The following HRH1 variants were observed in gnomAD, a reference collection of about 807,000 sequenced individuals.
HRH1 encodes histamine receptor H1, also known as histamine H1 receptor.
In HRH1, 6 loss-of-function variants were observed where a neutral mutation model predicts 10.3. That is an observed-to-expected ratio of 0.58 (90% CI 0.32 to 1.15). The LOEUF is 1.15. HRH1 is among the 50% of genes most tolerant of loss of function. HRH1 has a pLI of 0.05. For missense variants in HRH1, 514 were observed against 615.3 expected (o/e 0.84, Z 1.74); for synonymous variants, 242 against 236.7 (o/e 1.02, Z -0.21).
At chr3:11,249,805 A>C (rs1213141609) in intron 1 of HRH1, among the ~76,000 whole-genome samples, 1 of 152,176 alleles carries the variant, frequency 6.6e-6, no homozygotes, top group Non-Finnish European at 1.5e-5. Flanking sequence ...AAATCTTCCC[A>C]GACTAATTGA....
chr3:11,138,716 T>C (rs986566808), intron 1 of HRH1, among the ~76,000 whole-genome samples: 1 of 151,600 alleles, frequency 6.6e-6, no homozygotes, highest in Non-Finnish European at 1.5e-5. Context: ...TTTTTTTTTT[T>C]TTTTTTTGAG....
At chr3:11,224,167 C>A (rs1176202066) in intron 1 of HRH1, among the ~76,000 whole-genome samples, 1 of 152,178 alleles carries the variant, frequency 6.6e-6, no homozygotes, top group African/African-American at 2.4e-5. Flanking sequence ...CTACCATGTG[C>A]CAAGCAGTTC....
chr3:11,182,078 G>A (rs184317464), intron 1 of HRH1, among the ~76,000 whole-genome samples: 1 of 152,106 alleles, frequency 6.6e-6, no homozygotes, highest in Non-Finnish European at 1.5e-5. Flanking sequence ...CGCCTCCCTG[G>A]TTCAAGCAAT....
At chr3:11,234,564 C>A (rs1156353019) in intron 1 of HRH1, 11 of 1,441,412 alleles carry the variant, frequency 7.6e-6, no homozygotes, top group Non-Finnish European at 8.8e-6. Context: ...TCAATCCATG[C>A]TCCTCGTATG....
At chr3:11,144,429 A>ATAGACGTATATATACC (rs1559249719) in intron 1 of HRH1, among the ~76,000 whole-genome samples, 1 of 44,368 alleles carries the variant, frequency 2.3e-5, no homozygotes, top group African/African-American at 6.0e-5. Context: ...GTATATATAC[A>ATAGACGTATATATACC]TATAGACATA....
intron 1 of HRH1, among the ~76,000 whole-genome samples, chr3:11,141,181 G>A (rs976476717): frequency 2.0e-5 from 3 of 152,184 alleles, no homozygotes; most frequent in Non-Finnish European, 4.4e-5. Flanking sequence ...CTGCAGGGAA[G>A]AGACTTCACT....
At chr3:11,240,286 G>T (rs1370686156) in intron 1 of HRH1, among the ~76,000 whole-genome samples, 4 of 152,044 alleles carry the variant, frequency 2.6e-5, no homozygotes, top group African/African-American at 9.7e-5. Context: ...CCTGTGTAGT[G>T]TTCAAGAAGA....
intron 1 of HRH1, among the ~76,000 whole-genome samples, chr3:11,219,488 C>T (rs1338869465): frequency 2.0e-5 from 3 of 151,596 alleles, no homozygotes; most frequent in Admixed American, 6.6e-5. Flanking sequence ...CCGAGGCGGG[C>T]GGAGCACGAG....
chr3:11,218,413 A>C (rs1388908880), intron 1 of HRH1, among the ~76,000 whole-genome samples: 1 of 149,420 alleles, frequency 6.7e-6, no homozygotes, highest in African/African-American at 2.5e-5. Context: ...GTGCTACCGC[A>C]CTCCAACCTA....
intron 1 of HRH1, among the ~76,000 whole-genome samples, chr3:11,219,714 CAAA>C (rs58875644): frequency 7.8e-5 from 6 of 76,742 alleles, no homozygotes; most frequent in Non-Finnish European, 1.5e-4. Flanking sequence ...GACTTCATCT[CAAA>C]AAAAAAAAAA....
intron 1 of HRH1, among the ~76,000 whole-genome samples, chr3:11,170,824 G>T (rs1162396441): frequency 6.6e-6 from 1 of 152,208 alleles, no homozygotes; most frequent in Non-Finnish European, 1.5e-5. Flanking sequence ...AGGGCTTTCA[G>T]GCAGGAGGTA....
chr3:11,160,165 T>C (rs867481578), intron 1 of HRH1, among the ~76,000 whole-genome samples: 1 of 152,252 alleles, frequency 6.6e-6, no homozygotes, highest in African/African-American at 2.4e-5. Context: ...TGCCAGTTTT[T>C]AGGCCAGGCT....
chr3:11,175,612 C>T (rs1286227559), intron 1 of HRH1, among the ~76,000 whole-genome samples: 1 of 152,156 alleles, frequency 6.6e-6, no homozygotes, highest in Non-Finnish European at 1.5e-5. Flanking sequence ...AAAAGGAAAA[C>T]CATTTGTAAT....
chr3:11,173,378 A>T (rs1021245209), intron 1 of HRH1, among the ~76,000 whole-genome samples: 3 of 151,790 alleles, frequency 2.0e-5, no homozygotes, highest in African/African-American at 7.3e-5. Flanking sequence ...TAATAATTAT[A>T]TATATATATG....
chr3:11,149,404 G>A (rs1374068304), intron 1 of HRH1, among the ~76,000 whole-genome samples: 2 of 152,102 alleles, frequency 1.3e-5, no homozygotes, highest in African/African-American at 4.8e-5. Flanking sequence ...TTTTGCTTTT[G>A]CCTATGAAAA....
Position 11,177,562 on chromosome 3 carries a change from C to T in HRH1, c.-36+23008C>T, listed in dbSNP as rs186828718. Among the ~76,000 whole-genome samples the T allele has an allele frequency of 2.0e-5, 3 of 152,306 alleles. No individual in the cohort carries two copies. In the East Asian group the frequency reaches 5.8e-4, roughly 29 times the overall value. On this transcript the variant is annotated intron_variant, in intron 1 of 1. Coordinates refer to ENST00000431010, the MANE Select transcript of HRH1 (RefSeq NM_001098212.2). ...CTTCTGCGCTCACATTCATAACTCT[C>T]ACCACAGCACTCGTCCCCCTGAGCT... is the stretch of plus-strand genomic sequence containing the variant.
At chr3:11,189,059 C>G (rs1559264514) in intron 1 of HRH1, among the ~76,000 whole-genome samples, 1 of 152,312 alleles carries the variant, frequency 6.6e-6, no homozygotes, top group Admixed American at 6.5e-5. Flanking sequence ...ATATTTGCAT[C>G]AGTTATCTCT....
intron 1 of HRH1, among the ~76,000 whole-genome samples, chr3:11,187,899 C>T (rs1009042760): frequency 1.3e-5 from 2 of 152,180 alleles, no homozygotes; most frequent in African/African-American, 4.8e-5. Context: ...CTGCTTTTGC[C>T]TCATTGACTT....
intron 1 of HRH1, among the ~76,000 whole-genome samples, chr3:11,241,317 T>C (rs1939330308): frequency 6.6e-6 from 1 of 152,246 alleles, no homozygotes; most frequent in African/African-American, 2.4e-5. Context: ...ATAAGCATTT[T>C]ACCACCTAAT....
Sources: gnomAD v4.1 joint callset for allele counts (sites outside exome capture counted in the v4.1 genomes callset) on GRCh38, gnomAD v4.1.1 for gene constraint, MANE v1.5 for transcripts, NCBI Gene and HGNC (gene_info 2026-07-23, HGNC 2026-07-21) for gene names.